The following RBM47 variants were observed in gnomAD, a reference collection of about 807,000 sequenced individuals.
The protein encoded by RBM47 is RNA binding motif protein 47.
A neutral mutation model predicts 47.1 loss-of-function variants in RBM47; 21 were observed. That is an observed-to-expected ratio of 0.45 (90% CI 0.32 to 0.64). RBM47 has a LOEUF of 0.64. Ranked by LOEUF, RBM47 falls within the 30% of genes least tolerant of loss-of-function variation. The pLI, the probability that RBM47 is intolerant of heterozygous loss-of-function variation, is 0.05. For synonymous variants in RBM47, 375 were observed against 361.7 expected, an observed-to-expected ratio of 1.04 and a Z score of -0.42; for missense variants, 708 against 870.9, an observed-to-expected ratio of 0.81 and a Z score of 2.35.
At position 40,608,189 on chromosome 4, in the gene RBM47, G is replaced by A. The variant is rs555374581; in HGVS notation, c.-240+21207C>T. ...TCAGAAAAAAAAAATCTAGCTAAAA[G>A]ATCACCCTTCTTCCCCAACTGTCCC... is the stretch of plus-strand genomic sequence containing the variant. On this transcript the variant is annotated intron_variant, in intron 1 of 6. Transcript: ENST00000295971. 4.6e-5 allele frequency among the ~76,000 whole-genome samples: 7 copies of A among 152,106 alleles called. No homozygotes were observed. The South Asian group carries it at 1.0e-3, about 23-fold the overall frequency.
At chr4:40,456,912 T>C (rs1414879090) in intron 3 of RBM47, among the ~76,000 whole-genome samples, 2 of 151,854 alleles carry the variant, frequency 1.3e-5, no homozygotes, top group Non-Finnish European at 2.9e-5. Context: ...CTCATTTTCT[T>C]GATGGAGAAA....
Position 40,424,471 on chromosome 4 carries a change from A to G in RBM47, c.*1433T>C, listed in dbSNP as rs554726152. 1.3e-5 allele frequency: 2 copies of G among 152,772 alleles called. No individual in the cohort carries two copies. The highest frequency in any genetic ancestry group is 1.3e-4 in the Admixed American group (2 of 15,306). 9.5% of individuals were successfully genotyped at this position (152,772 alleles called of 1,614,324 possible). On this transcript the variant is annotated 3_prime_UTR_variant, in exon 7 of 7. Coordinates refer to ENST00000295971, the MANE Select transcript of RBM47 (RefSeq NM_001098634.2). ...CTTCCTAATAAAACAAACCTTTTTA[A>G]TAACATTGAAATAAAATGGTTTCAT...
At chr4:40,569,735 G>C (rs552062961) in intron 1 of RBM47, among the ~76,000 whole-genome samples, 2 of 142,470 alleles carry the variant, frequency 1.4e-5, no homozygotes, top group South Asian at 4.4e-4. Flanking sequence ...TTTTGAGATG[G>C]AGTCTCGCTC....
chr4:40,588,488 T>C (rs1560489732), intron 1 of RBM47, among the ~76,000 whole-genome samples: 1 of 152,226 alleles, frequency 6.6e-6, no homozygotes, highest in Non-Finnish European at 1.5e-5. Flanking sequence ...GAGCAAGCTA[T>C]GTTACTCTCT....
intron 3 of RBM47, among the ~76,000 whole-genome samples, chr4:40,464,847 C>CTAT (rs1717743035): frequency 7.4e-6 from 1 of 135,786 alleles, no homozygotes; most frequent in Non-Finnish European, 1.5e-5. Flanking sequence ...GCCGAGATCG[C>CTAT]GCCACTGCAC....
intron 2 of RBM47, among the ~76,000 whole-genome samples, chr4:40,512,381 TC>T (rs1433520535): frequency 4.3e-5 from 6 of 140,784 alleles, no homozygotes; most frequent in African/African-American, 1.6e-4. Flanking sequence ...GCCACTGCAT[TC>T]CAGCCTGGGT....
intron 2 of RBM47, among the ~76,000 whole-genome samples, chr4:40,492,942 C>G (rs1577785345): frequency 6.6e-6 from 1 of 152,192 alleles, no homozygotes; most frequent in South Asian, 2.1e-4. Flanking sequence ...TTCCCCTCCT[C>G]CATCACCCTC....
chr4:40,608,061 C>T (rs557144399), intron 1 of RBM47, among the ~76,000 whole-genome samples: 1 of 151,906 alleles, frequency 6.6e-6, no homozygotes, highest in Non-Finnish European at 1.5e-5. Flanking sequence ...GAGATCACAC[C>T]ACTGCACTCC....
intron 2 of RBM47, chr4:40,542,983 T>C (rs1448071339): frequency 6.6e-6 from 1 of 152,218 alleles, no homozygotes; most frequent in Non-Finnish European, 1.5e-5. Context: ...TACTTCTTAA[T>C]TATGCTACAT....
At chr4:40,537,041 C>T (rs989969043) in intron 2 of RBM47, among the ~76,000 whole-genome samples, 4 of 151,806 alleles carry the variant, frequency 2.6e-5, no homozygotes, top group Non-Finnish European at 5.9e-5. Context: ...CATCAAAGAG[C>T]ACACAGACAA....
intron 1 of RBM47, among the ~76,000 whole-genome samples, chr4:40,612,277 A>AT (rs1158431958): frequency 6.6e-6 from 1 of 152,218 alleles, no homozygotes; most frequent in Non-Finnish European, 1.5e-5. Context: ...CACGCCTGTA[A>AT]TCCCAGCACT....
At chr4:40,582,769 C>T (rs1733078845) in intron 1 of RBM47, among the ~76,000 whole-genome samples, 1 of 152,094 alleles carries the variant, frequency 6.6e-6, no homozygotes, top group Non-Finnish European at 1.5e-5. Context: ...AACCTTATAC[C>T]CTACTCTCAA....
chr4:40,597,698 A>G (rs1195240178), intron 1 of RBM47, among the ~76,000 whole-genome samples: 2 of 152,264 alleles, frequency 1.3e-5, no homozygotes, highest in East Asian at 1.9e-4. Flanking sequence ...AAACAAAACA[A>G]TGCACATAAA....
At chr4:40,605,818 C>T (rs557624516) in intron 1 of RBM47, among the ~76,000 whole-genome samples, 131 of 149,338 alleles carry the variant, frequency 8.8e-4, no homozygotes, top group Non-Finnish European at 1.5e-3. Flanking sequence ...GCAAGGGGAG[C>T]GAGACTCCAT....
intron 2 of RBM47, among the ~76,000 whole-genome samples, chr4:40,508,778 CAT>C (rs1423655561): frequency 1.3e-5 from 2 of 152,214 alleles, no homozygotes; most frequent in Non-Finnish European, 2.9e-5. Flanking sequence ...TCCACAGGTA[CAT>C]ACACATATAA....
At chr4:40,449,446 A>C (rs1715066510) in intron 3 of RBM47, among the ~76,000 whole-genome samples, 1 of 152,228 alleles carries the variant, frequency 6.6e-6, no homozygotes, top group South Asian at 2.1e-4. Flanking sequence ...ATGTCAAAGC[A>C]CATCATTCAA....
chr4:40,432,862 A>G lies in RBM47; in HGVS notation c.1331T>C (p.Val444Ala). ...VNPVAIKPGT[V>A]AIPAIGAQYS... Reference sequence around the variant, plus strand: ...CTGAGCCCCAATGGCAGGGATGGCTACTGCAAGAGAAGCAAGAAGGAAAAA... The same window carrying G: ...CTGAGCCCCAATGGCAGGGATGGCTGCTGCAAGAGAAGCAAGAAGGAAAAA... The change falls in exon 6 of 7, where the codon GTA (valine) becomes GCA (alanine). Residue 444 changes from valine (V) to alanine (A), a missense_variant and splice_region_variant. Val to Ala is a moderately conservative substitution (Grantham distance 64). Transcript: ENST00000295971. 6.2e-7 allele frequency: 1 copy of G among 1,613,500 alleles called. No individual in the cohort carries two copies. Among genetic ancestry groups the G allele is most frequent in the Non-Finnish European group, 8.5e-7 (1 of 1,179,836 alleles).
chr4:40,581,896 C>T (rs1022677270), intron 1 of RBM47, among the ~76,000 whole-genome samples: 5 of 152,048 alleles, frequency 3.3e-5, no homozygotes, highest in African/African-American at 9.7e-5. Flanking sequence ...CTGTGAGCAG[C>T]GCCTCAAGCT....
intron 1 of RBM47, among the ~76,000 whole-genome samples, chr4:40,576,330 T>A (rs556574269): frequency 7.3e-5 from 11 of 150,164 alleles, no homozygotes; most frequent in Admixed American, 2.7e-4. Flanking sequence ...TTTAAAAAAA[T>A]TTTTTTGTAG....
Sources: allele counts gnomAD v4.1 joint callset (sites outside exome capture counted in the v4.1 genomes callset), GRCh38; gene constraint gnomAD v4.1.1; transcripts MANE v1.5; gene names NCBI Gene and HGNC (gene_info 2026-07-23, HGNC 2026-07-21).